Variants in RADX observed in about 807,000 individuals in gnomAD.
RADX encodes the protein RPA-related protein RADX.
In RADX, 36 loss-of-function variants were observed where a neutral mutation model predicts 61.6. The observed-to-expected ratio is 0.58, with a 90% CI of 0.45 to 0.77. The LOEUF (loss-of-function observed/expected upper bound fraction) is 0.77. Among genes scored for constraint, RADX ranks in the 30% least tolerant of loss-of-function variants. The pLI, the probability that RADX is intolerant of heterozygous loss-of-function variation, is 0.00. For synonymous variants in RADX, 272 were observed against 237.9 expected, an observed-to-expected ratio of 1.14 and a Z score of -1.32; for missense variants, 497 against 651.1, an observed-to-expected ratio of 0.76 and a Z score of 2.58.
intron 10 of RADX, among the ~76,000 whole-genome samples, 182 bp from the exon 11 acceptor site, chrX:106,648,128 AGTT>A (rs1394459446): frequency 9.0e-6 from 1 of 111,265 alleles, no homozygotes; most frequent in African/African-American, 3.3e-5. Context: ...GCAGTATTTG[AGTT>A]GTTTTATATA....
At chrX:106,662,376 A>C in intron 12 of RADX, 71 bp downstream of exon 12, 1 of 987,985 alleles carries the variant, frequency 1.0e-6, no homozygotes, top group Non-Finnish European at 1.4e-6. Context: ...TTCGCTTTAA[A>C]AATTTAAGCC....
intron 9 of RADX, 25 bp from the exon 10 acceptor site, chrX:106,640,527 G>A: frequency 9.1e-7 from 1 of 1,099,136 alleles, no homozygotes; most frequent in Non-Finnish European, 1.2e-6. Flanking sequence ...AGCCTAAAGT[G>A]TTTTCTCTAA....
chrX:106,648,714 T>C (rs1399376224), intron 11 of RADX, among the ~76,000 whole-genome samples: 2 of 111,409 alleles, frequency 1.8e-5, no homozygotes, highest in Non-Finnish European at 3.8e-5. Flanking sequence ...AAGTAAATTG[T>C]ATCTTCTTTC....
Position 106,662,126 on chromosome X carries a change from A to G in RADX, c.2090A>G (p.His697Arg), listed in dbSNP as rs566763673. Residue 697 changes from histidine to arginine, a missense_variant, in exon 12 of 14, where the codon CAC becomes CGC. Coordinates refer to ENST00000372548, the MANE Select transcript of RADX (RefSeq NM_018015.6). ...EKKFGLIDHL[H>R]YSRVYPESIP... ...AAGTTTGGCTTAATAGATCACCTACACTACAGCCGTGTTTATCCTGAAAGT... is the reference window on the plus strand; with the variant it reads ...AAGTTTGGCTTAATAGATCACCTACGCTACAGCCGTGTTTATCCTGAAAGT... 3 of 1,208,690 alleles carry G rather than the reference A, an allele frequency of 2.5e-6. No individual in the cohort carries two copies. The Middle Eastern group carries it at 6.9e-4, about 278-fold the overall frequency.
intron 13 of RADX, among the ~76,000 whole-genome samples, chrX:106,675,924 C>T (rs12008683): frequency 0.11 from 12,188 of 110,843 alleles, 1,640 homozygotes; most frequent in African/African-American, 0.38. Flanking sequence ...TATGTGTATT[C>T]AATCCTCAAA....
intron 11 of RADX, among the ~76,000 whole-genome samples, chrX:106,654,284 A>G (rs1380930054): frequency 1.9e-5 from 2 of 105,314 alleles, no homozygotes; most frequent in African/African-American, 8.1e-5. Flanking sequence ...TCTAATGACT[A>G]GTGATGATGA....
Position 106,622,712 on chromosome X carries a change from T to A in RADX, c.705T>A (p.Pro235=). ...CCTGGACTAACAGAAGAAATTTTCCTGCATTGCTTGTGAGGATCTTACATA... is the reference window on the plus strand; with the variant it reads ...CCTGGACTAACAGAAGAAATTTTCCAGCATTGCTTGTGAGGATCTTACATA... ...EMTWTNRRNF[P]ALLVRILHKS... The change falls in exon 2 of 14, where the codon CCT becomes CCA. Residue 235 remains proline (P), a synonymous_variant. Transcript: ENST00000372548. 2 of 1,197,945 alleles carry A rather than the reference T, an allele frequency of 1.7e-6. No individual in the cohort carries two copies. Among genetic ancestry groups the A allele is most frequent in the Middle Eastern group, 4.6e-4 (2 of 4,317 alleles).
chrX:106,620,213 A>G (rs371458694), intron 1 of RADX, among the ~76,000 whole-genome samples: 34 of 112,471 alleles, frequency 3.0e-4, no homozygotes, highest in African/African-American at 1.1e-3. Context: ...AGATTTGCAG[A>G]AATGCAAAAC....
Sources: gnomAD v4.1 joint callset for allele counts (sites outside exome capture counted in the v4.1 genomes callset) on GRCh38, gnomAD v4.1.1 for gene constraint, MANE v1.5 for transcripts, NCBI Gene and HGNC (gene_info 2026-07-23, HGNC 2026-07-21) for gene names.